Variants in EFCAB13 observed in about 807,000 individuals in gnomAD.
The protein encoded by EFCAB13 is EF-hand calcium binding domain 13, also known as EF-hand calcium-binding domain-containing protein 13.
A neutral mutation model predicts 110.2 loss-of-function variants in EFCAB13; 91 were observed. That is an observed-to-expected ratio of 0.83 (90% CI 0.70 to 0.98). The LOEUF is 0.98. Among genes scored for constraint, EFCAB13 ranks in the 50% least tolerant of loss-of-function variants. The pLI is 0.00. For synonymous variants in EFCAB13, 323 were observed against 369.9 expected (o/e 0.87, Z 1.45); for missense variants, 968 against 1,119.4 (o/e 0.86, Z 1.93).
intron 23 of EFCAB13, among the ~76,000 whole-genome samples, chr17:47,418,738 T>C (rs185087599): frequency 2.6e-5 from 4 of 152,348 alleles, no homozygotes; most frequent in African/African-American, 9.6e-5. Flanking sequence ...TGGTGTGAGA[T>C]GACAGTCCAT....
intron 11 of EFCAB13, among the ~76,000 whole-genome samples, chr17:47,371,057 TG>T (rs1235805711): frequency 1.5e-5 from 2 of 136,398 alleles, no homozygotes; most frequent in Non-Finnish European, 1.6e-5. Context: ...CAGTTTTTAA[TG>T]GTTGTTTTTT....
At chr17:47,369,473 T>C (rs1421477022) in intron 10 of EFCAB13, 2 of 154,924 alleles carry the variant, frequency 1.3e-5, no homozygotes, top group African/African-American at 4.8e-5. Flanking sequence ...ATAGTAATAA[T>C]ATGTCATTGT....
At position 47,418,592 on chromosome 17, in the gene EFCAB13, T is replaced by C. The variant is rs193105667; in HGVS notation, c.2494+3673T>C. On this transcript the variant is annotated intron_variant, in intron 23 of 24. Coordinates refer to ENST00000331493, the MANE Select transcript of EFCAB13 (RefSeq NM_152347.5). ...TAAATGATTTTGAATTTGGTAAAGT[T>C]CAATTTATATTTTATTTTGTTGCTT... 2.9e-3 allele frequency among the ~76,000 whole-genome samples: 447 copies of C among 152,334 alleles called. 4 individuals are homozygous for C. The highest frequency in any genetic ancestry group is 2.9e-3 in the Non-Finnish European group (197 of 68,028).
chr17:47,402,058 T>A, intron 17 of EFCAB13, 74 bp from the exon 18 acceptor site: 1 of 1,180,214 alleles, frequency 8.5e-7, no homozygotes, highest in Admixed American at 1.7e-5. Context: ...ATGGTTTACA[T>A]TTTTATAGGT....
At chr17:47,383,259 C>T (rs1046110416) in intron 14 of EFCAB13, among the ~76,000 whole-genome samples, 2 of 151,356 alleles carry the variant, frequency 1.3e-5, no homozygotes, top group Non-Finnish European at 2.9e-5. Context: ...TTTTGAAGTA[C>T]TCTTCATGTC....
rs562184489 is a variant in EFCAB13, at chr17:47,359,603, T to G, written c.662-1775T>G. 1.5e-4 allele frequency among the ~76,000 whole-genome samples: 22 copies of G among 149,178 alleles called. No homozygotes were observed. In the East Asian group the frequency reaches 4.4e-3, roughly 30 times the overall value. On this transcript the variant is annotated intron_variant, in intron 9 of 24. Coordinates refer to ENST00000331493, the MANE Select transcript of EFCAB13 (RefSeq NM_152347.5). ...TAGCAGTTGGACACGGCTTTCAATC[T>G]GTTTAATTTTTTTTTCAATTTTTTT...
In EFCAB13 at chr17:47,361,479, C is replaced by A; in HGVS notation, c.763C>A (p.Arg255Ser). 6.2e-7 allele frequency: 1 copy of A among 1,612,244 alleles called. No homozygotes were observed. The highest frequency in any genetic ancestry group is 8.5e-7 in the Non-Finnish European group (1 of 1,178,860). ...VLDSMGIPIN[R>S]EILEEVTKHT... Reference sequence around the variant, plus strand: ...GGATAGCATGGGTATCCCTATAAACCGTGAAATTTTAGAAGAAGTGACAAA... The same window carrying A: ...GGATAGCATGGGTATCCCTATAAACAGTGAAATTTTAGAAGAAGTGACAAA... The change falls in exon 10 of 25, where the codon CGT (arginine) becomes AGT (serine). Residue 255 changes from arginine to serine, a missense_variant. Arg to Ser is a moderately radical substitution (Grantham distance 110). Transcript: ENST00000331493.
intron 22 of EFCAB13, 25 bp downstream of exon 22, chr17:47,412,941 T>A: frequency 6.3e-7 from 1 of 1,593,322 alleles, no homozygotes; most frequent in South Asian, 1.1e-5. Context: ...GGCCTGAGAT[T>A]CTTTTCATTT....
intron 23 of EFCAB13, among the ~76,000 whole-genome samples, chr17:47,415,158 A>G (rs565350244): frequency 1.3e-5 from 2 of 151,752 alleles, no homozygotes; most frequent in South Asian, 4.2e-4. Context: ...AACACCGCAT[A>G]TTCTCACTCA....
At chr17:47,366,726 G>A (rs758233412) in intron 10 of EFCAB13, among the ~76,000 whole-genome samples, 2 of 152,140 alleles carry the variant, frequency 1.3e-5, no homozygotes, top group African/African-American at 2.4e-5. Context: ...TCTCGAACGC[G>A]TCTTTGGCCA....
chr17:47,414,138 G>C (rs1245992653), intron 22 of EFCAB13, among the ~76,000 whole-genome samples: 1 of 152,058 alleles, frequency 6.6e-6, no homozygotes, highest in East Asian at 1.9e-4. Flanking sequence ...TGCTACCCAG[G>C]TCTGCCATTT....
chr17:47,351,296 TGTGTGTGTGCGCGCGCGCGC>T (rs1453225402), intron 9 of EFCAB13, among the ~76,000 whole-genome samples: 2 of 140,306 alleles, frequency 1.4e-5, no homozygotes, highest in East Asian at 2.0e-4. Flanking sequence ...TGTGTGTGTG[TGTGTGTGTGCGCGCGCGCGC>T]GCGCGCGCGC....
intron 20 of EFCAB13, among the ~76,000 whole-genome samples, 158 bp downstream of exon 20, chr17:47,404,791 T>G (rs2065797045): frequency 6.6e-6 from 1 of 152,174 alleles, no homozygotes; most frequent in Non-Finnish European, 1.5e-5. Context: ...TATGGGGAAC[T>G]TCCTACATTT....
At chr17:47,339,138 G>A (rs923180066) in intron 5 of EFCAB13, among the ~76,000 whole-genome samples, 2 of 152,146 alleles carry the variant, frequency 1.3e-5, no homozygotes, top group African/African-American at 4.8e-5. Context: ...ATATAATCTA[G>A]TTAGTCACTG....
chr17:47,355,718 G>A (rs377522103), intron 9 of EFCAB13, among the ~76,000 whole-genome samples: 4 of 151,526 alleles, frequency 2.6e-5, no homozygotes, highest in South Asian at 4.2e-4. Flanking sequence ...GACTACAGTC[G>A]CGCGCCACCA....
intron 17 of EFCAB13, among the ~76,000 whole-genome samples, chr17:47,397,211 G>C (rs1005229102): frequency 6.6e-6 from 1 of 152,120 alleles, no homozygotes. Context: ...ACGGGGTTTC[G>C]CTGTGTTGGC....
chr17:47,399,920 A>G (rs2065769993), intron 17 of EFCAB13, among the ~76,000 whole-genome samples: 1 of 152,202 alleles, frequency 6.6e-6, no homozygotes, highest in East Asian at 1.9e-4. Context: ...GTTGGTGTTG[A>G]GCAAAAATGT....
chr17:47,397,245 C>T (rs928902636), intron 17 of EFCAB13, among the ~76,000 whole-genome samples: 10 of 152,212 alleles, frequency 6.6e-5, no homozygotes, highest in South Asian at 6.2e-4. Context: ...AGCTCCTAGC[C>T]GCGAGTGATC....
chr17:47,426,252 T>G (rs143356521), intron 23 of EFCAB13, among the ~76,000 whole-genome samples: 4 of 152,250 alleles, frequency 2.6e-5, no homozygotes, highest in African/African-American at 9.6e-5. Flanking sequence ...TCAAAAATTA[T>G]ATCTTTAAGT....
Sources: gnomAD v4.1 joint callset for allele counts (sites outside exome capture counted in the v4.1 genomes callset) on GRCh38, gnomAD v4.1.1 for gene constraint, MANE v1.5 for transcripts, NCBI Gene and HGNC (gene_info 2026-07-23, HGNC 2026-07-21) for gene names.